The following CAST variants were observed in gnomAD, a reference collection of about 807,000 sequenced individuals.
The protein encoded by CAST is MIR583 host.
A neutral mutation model predicts 119.6 loss-of-function variants in CAST; 76 were observed. The ratio of observed to expected loss-of-function variants is 0.64; its 90% CI spans 0.53 to 0.77. The LOEUF is 0.77. CAST is among the 30% of genes least tolerant of loss of function. The pLI, the probability that CAST is intolerant of heterozygous loss-of-function variation, is 0.00. For synonymous variants in CAST, 319 were observed against 331.6 expected (o/e 0.96, Z 0.41); for missense variants, 953 against 946.5 (o/e 1.01, Z -0.09).
intron 1 of CAST, chr5:96,662,858 C>G (rs1209890757): frequency 7.1e-6 from 4 of 564,786 alleles, no homozygotes; most frequent in Non-Finnish European, 1.2e-5. Flanking sequence ...GGGATGTAGT[C>G]TTCCGCGCTA....
the CAST span, among the ~76,000 whole-genome samples, chr5:96,313,105 A>G: frequency 6.6e-6 from 1 of 152,188 alleles, no homozygotes; most frequent in African/African-American, 2.4e-5. Context: ...AGTAGTGAAA[A>G]TGGTCAAACC....
chr5:96,700,389 T>C (rs1753737541), intron 3 of CAST, among the ~76,000 whole-genome samples: 1 of 152,174 alleles, frequency 6.6e-6, no homozygotes, highest in Non-Finnish European at 1.5e-5. Flanking sequence ...TTAAAAAATA[T>C]TATATAAGTA....
upstream of CAST, among the ~76,000 whole-genome samples, chr5:96,527,046 C>A (rs1745607368): frequency 6.6e-6 from 1 of 152,148 alleles, no homozygotes; most frequent in African/African-American, 2.4e-5. Flanking sequence ...GGGAGAGAAG[C>A]AGTCAATTAT....
chr5:96,588,954 T>G (rs1746912834), intron 1 of CAST, among the ~76,000 whole-genome samples: 1 of 152,250 alleles, frequency 6.6e-6, no homozygotes, highest in Non-Finnish European at 1.5e-5. Context: ...TTTATTCAAT[T>G]GACTATTAAT....
the CAST span, among the ~76,000 whole-genome samples, chr5:96,326,571 G>T: frequency 6.6e-6 from 1 of 151,866 alleles, no homozygotes; most frequent in Non-Finnish European, 1.5e-5. Context: ...TCTTCACTGG[G>T]CCCCCTCTTT....
chr5:96,180,368 C>A, the CAST span, among the ~76,000 whole-genome samples: 1 of 152,000 alleles, frequency 6.6e-6, no homozygotes. Context: ...GTGAAACAAG[C>A]TTAAAGTTGT....
chr5:96,236,465 C>T, the CAST span, among the ~76,000 whole-genome samples: 1 of 152,136 alleles, frequency 6.6e-6, no homozygotes, highest in African/African-American at 2.4e-5. Flanking sequence ...ACTGTCTCCT[C>T]GGGGACTCTA....
the CAST span, among the ~76,000 whole-genome samples, chr5:96,129,029 T>C: frequency 6.6e-6 from 1 of 152,112 alleles, no homozygotes; most frequent in Non-Finnish European, 1.5e-5. Flanking sequence ...TGTTGTTTTC[T>C]CTTGCAGCTG....
At chr5:96,284,336 A>C in the CAST span, among the ~76,000 whole-genome samples, 1 of 152,178 alleles carries the variant, frequency 6.6e-6, no homozygotes, top group Admixed American at 6.5e-5. Context: ...TGGGATTTTC[A>C]GACACCCTGA....
chr5:96,467,783 T>G, the CAST span, among the ~76,000 whole-genome samples: 8 of 152,014 alleles, frequency 5.3e-5, no homozygotes, highest in African/African-American at 1.7e-4. Context: ...GCACTGCTAG[T>G]GGGGATGTAA....
In CAST at chr5:96,615,464, A is replaced by G. The variant is rs113206432; in HGVS notation, c.61-60075A>G. On this transcript the variant is annotated intron_variant, in intron 1 of 11. Transcript: ENST00000505143. ...GCTGTCTCCCAGAGTGTGTTCACATAGTCCAGTCTATCAGATTGCTTTGCT... is the reference window on the plus strand; with the variant it reads ...GCTGTCTCCCAGAGTGTGTTCACATGGTCCAGTCTATCAGATTGCTTTGCT... Among the ~76,000 whole-genome samples the G allele has an allele frequency of 2.0e-4, 31 of 152,312 alleles. 1 individual carries two copies. Among genetic ancestry groups the G allele is most frequent in the Admixed American group, 1.2e-3 (18 of 15,304 alleles).
At chr5:96,379,008 T>C in the CAST span, among the ~76,000 whole-genome samples, 1 of 152,168 alleles carries the variant, frequency 6.6e-6, no homozygotes, top group African/African-American at 2.4e-5. Flanking sequence ...ACATTCCACT[T>C]CACAGATGTG....
chr5:96,450,056 A>T, the CAST span, among the ~76,000 whole-genome samples: 1 of 152,190 alleles, frequency 6.6e-6, no homozygotes, highest in Non-Finnish European at 1.5e-5. Context: ...GCAATCCACT[A>T]CTGGGTGTCT....
At chr5:96,626,222 C>T (rs1344724119) in intron 1 of CAST, among the ~76,000 whole-genome samples, 1 of 152,198 alleles carries the variant, frequency 6.6e-6, no homozygotes, top group Non-Finnish European at 1.5e-5. Flanking sequence ...GATCAGAGAT[C>T]AGGCTGTCCT....
chr5:96,429,749 C>T, the CAST span, among the ~76,000 whole-genome samples: 1 of 152,104 alleles, frequency 6.6e-6, no homozygotes, highest in Non-Finnish European at 1.5e-5. Context: ...CAATAATGGC[C>T]TCCAGCTCCA....
chr5:96,502,647 T>TCTTG, the CAST span, among the ~76,000 whole-genome samples: 1 of 151,318 alleles, frequency 6.6e-6, no homozygotes, highest in African/African-American at 2.4e-5. Context: ...TTTCTTTCTT[T>TCTTG]CTTTCTTTCT....
At chr5:96,169,644 T>C in the CAST span, among the ~76,000 whole-genome samples, 1 of 151,612 alleles carries the variant, frequency 6.6e-6, no homozygotes, top group East Asian at 1.9e-4. Flanking sequence ...TGGCGTTGAG[T>C]GGGGTAAGGG....
the CAST span, among the ~76,000 whole-genome samples, chr5:96,098,793 C>T: frequency 6.6e-6 from 1 of 152,272 alleles, no homozygotes; most frequent in Admixed American, 6.5e-5. Flanking sequence ...TTAGGATTGC[C>T]TTGGCTATTC....
At chr5:96,613,827 G>T (rs958034144) in intron 1 of CAST, among the ~76,000 whole-genome samples, 1 of 152,116 alleles carries the variant, frequency 6.6e-6, no homozygotes, top group African/African-American at 2.4e-5. Flanking sequence ...TGTAGGTCTG[G>T]GGTGGAGCCT....
Sources: gnomAD v4.1 joint callset for allele counts (sites outside exome capture counted in the v4.1 genomes callset) on GRCh38, gnomAD v4.1.1 for gene constraint, MANE v1.5 for transcripts, NCBI Gene and HGNC (gene_info 2026-07-23, HGNC 2026-07-21) for gene names.